The following LARGE1 variants were observed in gnomAD, a reference collection of about 807,000 sequenced individuals.
LARGE1 encodes xylosyl- and glucuronyltransferase LARGE1.
Under a neutral mutation model 87.6 loss-of-function variants are expected in LARGE1, and 43 were observed. The ratio of observed to expected loss-of-function variants is 0.49; its 90% CI spans 0.38 to 0.63. LARGE1 has a LOEUF of 0.63. LARGE1 is among the 30% of genes least tolerant of loss of function. The pLI is 0.00. For missense variants in LARGE1, 802 were observed against 1,000.2 expected, an observed-to-expected ratio of 0.80 and a Z score of 2.67; for synonymous variants, 434 against 394.6, an observed-to-expected ratio of 1.10 and a Z score of -1.18.
In LARGE1 at chr22:33,872,362, TTATTATTA is replaced by T. The variant is rs1393788463; in HGVS notation, c.-83+47625_-83+47632del. Among the ~76,000 whole-genome samples the T allele has an allele frequency of 1.0e-4, 3 of 29,090 alleles. No homozygotes were observed. The African/African-American group carries it at 1.2e-3, about 12-fold the overall frequency. 19.1% of individuals were successfully genotyped at this position (29,090 alleles called of 152,430 possible). ...GCAGACACGCAGTAAATGCTATCTA[TTATTATTA>T]TTATTATTATTATTATTATTATTAT... On this transcript the variant is annotated intron_variant, in intron 1 of 14. Transcript: ENST00000397394.
rs142853145 is a variant in LARGE1, at chr22:33,811,839, G to A, written c.-82-50281C>T. Among the ~76,000 whole-genome samples the A allele has an allele frequency of 7.3e-3, 1,113 of 152,284 alleles. 12 individuals are homozygous for A. The highest frequency in any genetic ancestry group is 0.026 in the African/African-American group (1,077 of 41,548). ...TAGGAGACACAGGAAGGAGGAGGCC[G>A]GAGCATCAGCTAGTGAAATACTTCA... On this transcript the variant is annotated intron_variant, in intron 1 of 14. Coordinates refer to ENST00000397394, the MANE Select transcript of LARGE1 (RefSeq NM_133642.5).
the LARGE1 span, among the ~76,000 whole-genome samples, chr22:33,144,099 A>G: frequency 6.6e-6 from 1 of 152,054 alleles, no homozygotes; most frequent in African/African-American, 2.4e-5. Flanking sequence ...CTGTTTCAAT[A>G]TACTGTTTAT....
intron 5 of LARGE1, among the ~76,000 whole-genome samples, chr22:33,603,151 A>G (rs1208888103): frequency 1.3e-5 from 2 of 152,152 alleles, no homozygotes; most frequent in Non-Finnish European, 2.9e-5. Context: ...ATCTCCATCA[A>G]CCTCAGAGCC....
chr22:33,632,681 C>T (rs1241258597), intron 3 of LARGE1, among the ~76,000 whole-genome samples: 1 of 152,040 alleles, frequency 6.6e-6, no homozygotes, highest in Non-Finnish European at 1.5e-5. Context: ...CAAGCAGTAA[C>T]TTGCCAGGAC....
intron 2 of LARGE1, among the ~76,000 whole-genome samples, chr22:33,739,223 C>T (rs1601482325): frequency 6.6e-6 from 1 of 152,086 alleles, no homozygotes; most frequent in African/African-American, 2.4e-5. Flanking sequence ...TTATCACTGG[C>T]TGTTGGTGCA....
At chr22:33,159,341 TC>T (rs1481534793), downstream of LARGE1, among the ~76,000 whole-genome samples, 2 of 152,218 alleles carry the variant, frequency 1.3e-5, no homozygotes, top group Non-Finnish European at 2.9e-5. Context: ...AAGCAAAATA[TC>T]TGTACACTTT....
chr22:33,726,770 G>A (rs1853785138), intron 2 of LARGE1, among the ~76,000 whole-genome samples: 1 of 152,124 alleles, frequency 6.6e-6, no homozygotes, highest in African/African-American at 2.4e-5. Context: ...CACTACACTG[G>A]GACTCCAGCT....
intron 1 of LARGE1, among the ~76,000 whole-genome samples, chr22:33,780,428 C>A (rs987919516): frequency 6.8e-6 from 1 of 147,436 alleles, no homozygotes; most frequent in African/African-American, 2.5e-5. Flanking sequence ...CAGTCCCCAG[C>A]AGCCCCTGTC....
chr22:33,278,538 T>C (rs972868719), intron 13 of LARGE1, among the ~76,000 whole-genome samples: 2 of 144,878 alleles, frequency 1.4e-5, no homozygotes, highest in Non-Finnish European at 3.0e-5. Flanking sequence ...TGGGACTATT[T>C]TAAATCTCTC....
rs1377377295 is a variant in LARGE1, at chr22:33,381,990, A to C, written c.1060T>G (p.Cys354Gly). 5.6e-6 allele frequency: 9 copies of C among 1,614,080 alleles called. No homozygotes were observed. Among genetic ancestry groups the C allele is most frequent in the Non-Finnish European group, 7.6e-6 (9 of 1,179,994 alleles). The change falls in exon 9 of 15, where the codon TGC becomes GGC. Residue 354 changes from cysteine (C) to glycine (G), a missense_variant. By Grantham distance (159) the Cys-to-Gly change is radical. This residue lies in a region of LARGE1 where 625 missense variants were observed against 841.9 expected (regional missense o/e 0.74). Transcript: ENST00000397394. ...QNPFLVYQLP[C>G]FWNVQLSDHT... is the part of the protein sequence containing the mutation. ...TCTGACAGCTGCACATTCCAGAAGC[A>C]GGGGAGCTGGTACACAAGGAAGGGG...
At chr22:33,621,263 G>A (rs987770020) in intron 4 of LARGE1, among the ~76,000 whole-genome samples, 3 of 152,024 alleles carry the variant, frequency 2.0e-5, no homozygotes, top group African/African-American at 7.2e-5. Flanking sequence ...TCTATTGTTA[G>A]GGTTCTCTTT....
intron 1 of LARGE1, among the ~76,000 whole-genome samples, chr22:33,906,279 A>T (rs904415825): frequency 1.3e-5 from 2 of 152,214 alleles, no homozygotes; most frequent in Non-Finnish European, 2.9e-5. Flanking sequence ...GTGAGGCTGG[A>T]GATGTGAAAA....
intron 11 of LARGE1, among the ~76,000 whole-genome samples, chr22:33,315,419 A>G (rs563691525): frequency 1.3e-5 from 2 of 152,308 alleles, no homozygotes; most frequent in South Asian, 4.1e-4. Flanking sequence ...ATCAATACAC[A>G]TAGAAGGAAA....
In LARGE1 at chr22:33,536,447, G is replaced by A. The variant is rs5754595; in HGVS notation, c.787+28401C>T. 5.1e-4 allele frequency among the ~76,000 whole-genome samples: 77 copies of A among 152,316 alleles called. No homozygotes were observed. In the East Asian group the frequency reaches 0.013, roughly 26 times the overall value. Reference sequence around the variant, plus strand: ...ATCAATTAATTACAGAAGGCTTAACGTGCTGAGCACCCTGCTATGCACTGA... The same window carrying A: ...ATCAATTAATTACAGAAGGCTTAACATGCTGAGCACCCTGCTATGCACTGA... On this transcript the variant is annotated intron_variant, in intron 6 of 14. Transcript: ENST00000397394.
At chr22:33,134,831 C>A in the LARGE1 span, among the ~76,000 whole-genome samples, 1 of 152,148 alleles carries the variant, frequency 6.6e-6, no homozygotes, top group Non-Finnish European at 1.5e-5. Flanking sequence ...CAGCCTGAAT[C>A]ATAGATCCAG....
the LARGE1 span, among the ~76,000 whole-genome samples, chr22:33,067,632 T>G: frequency 6.6e-6 from 1 of 152,154 alleles, no homozygotes; most frequent in African/African-American, 2.4e-5. Context: ...GGTCAGGAGT[T>G]GAACCCAGAT....
intron 6 of LARGE1, among the ~76,000 whole-genome samples, chr22:33,512,054 T>C (rs879556539): frequency 9.2e-5 from 14 of 152,348 alleles, no homozygotes; most frequent in Admixed American, 8.5e-4. Flanking sequence ...AAAAAATTAA[T>C]GTCATAGAAC....
intron 5 of LARGE1, among the ~76,000 whole-genome samples, chr22:33,577,137 T>A (rs2078377453): frequency 6.6e-6 from 1 of 152,300 alleles, no homozygotes; most frequent in Admixed American, 6.5e-5. Context: ...CTCTACTGCA[T>A]GCATTCTTAA....
chr22:33,199,576 G>A (rs1289191613), intron 11 of LARGE1, among the ~76,000 whole-genome samples: 1 of 152,042 alleles, frequency 6.6e-6, no homozygotes, highest in African/African-American at 2.4e-5. Context: ...TTCTCCATAT[G>A]GCTATCCAAT....
Sources: gnomAD v4.1 joint callset for allele counts (sites outside exome capture counted in the v4.1 genomes callset) on GRCh38, gnomAD v4.1.1 for gene constraint, gnomAD v4.1.1 regional missense constraint, MANE v1.5 for transcripts, NCBI Gene and HGNC (gene_info 2026-07-23, HGNC 2026-07-21) for gene names.